Variants in NSUN7 observed in about 807,000 individuals in gnomAD.
The protein encoded by NSUN7 is protein NSUN7.
In NSUN7, 39 loss-of-function variants were observed where a neutral mutation model predicts 58.5. The observed-to-expected ratio is 0.67, with a 90% CI of 0.52 to 0.87. NSUN7 has a LOEUF of 0.87. Ranked by LOEUF, NSUN7 falls within the 40% of genes least tolerant of loss-of-function variation. The probability of loss-of-function intolerance (pLI) is 0.00; values close to 1 mark genes in which losing one functional copy is unlikely to be tolerated. For synonymous variants in NSUN7, 278 were observed against 303.7 expected (o/e 0.92, Z 0.88); for missense variants, 765 against 844.1 (o/e 0.91, Z 1.16).
intron 2 of NSUN7, among the ~76,000 whole-genome samples, chr4:40,755,894 A>G (rs1422796812): frequency 1.3e-5 from 2 of 152,182 alleles, no homozygotes; most frequent in Non-Finnish European, 2.9e-5. Context: ...TAATTCTCCC[A>G]CCAATGATAA....
rs897100824 is a variant in NSUN7, at chr4:40,808,956, A to G, written c.*17A>G. Reference sequence around the variant, plus strand: ...TGGCTTTGATTGTCTTGTGTTTTTTATAGGGGCCAAAGAGCAGTTGATTTT... The same window carrying G: ...TGGCTTTGATTGTCTTGTGTTTTTTGTAGGGGCCAAAGAGCAGTTGATTTT... On this transcript the variant is annotated 3_prime_UTR_variant, in exon 12 of 12. Coordinates refer to ENST00000381782, the MANE Select transcript of NSUN7 (RefSeq NM_024677.6). 5.3e-6 allele frequency: 8 copies of G among 1,498,550 alleles called. No individual in the cohort carries two copies. The African/African-American group carries it at 5.6e-5, about 11-fold the overall frequency. 92.8% of individuals were successfully genotyped at this position (1,498,550 alleles called of 1,614,324 possible).
At chr4:40,759,716 A>T (rs574130234) in intron 2 of NSUN7, among the ~76,000 whole-genome samples, 42 of 152,344 alleles carry the variant, frequency 2.8e-4, no homozygotes, top group African/African-American at 9.9e-4. Flanking sequence ...AACATCCCTC[A>T]TGAACATGAA....
intron 10 of NSUN7, among the ~76,000 whole-genome samples, chr4:40,802,046 T>A (rs1281208835): frequency 1.3e-5 from 2 of 152,180 alleles, no homozygotes; most frequent in Non-Finnish European, 2.9e-5. Context: ...TGATCAGTTT[T>A]CTTATAGTAC....
rs144130209 is a variant in NSUN7 at position 40,756,861 on chromosome 4, C to G, written c.299-3573C>G. 1.3e-3 allele frequency among the ~76,000 whole-genome samples: 201 copies of G among 152,238 alleles called. 1 individual carries two copies. The highest frequency in any genetic ancestry group is 4.3e-3 in the African/African-American group (177 of 41,518). On this transcript the variant is annotated intron_variant, in intron 2 of 11. Transcript: ENST00000381782. Reference sequence around the variant, plus strand: ...CCATGATGTAAAAGCTATACACATTCAGTAGAAACCATACTTTGAGTACCC... The same window carrying G: ...CCATGATGTAAAAGCTATACACATTGAGTAGAAACCATACTTTGAGTACCC...
intron 7 of NSUN7, among the ~76,000 whole-genome samples, chr4:40,782,559 A>C (rs927337548): frequency 5.9e-5 from 9 of 151,636 alleles, no homozygotes; most frequent in Non-Finnish European, 1.2e-4. Flanking sequence ...AAAAAAAAAA[A>C]AAAGAAAAAA....
rs1577594569 is a variant in NSUN7 at position 40,808,977 on chromosome 4, A to G, written c.*38A>G. ...TTTTATAGGGGCCAAAGAGCAGTTGATTTTTTTTCAAAGTCTAGTATTTCT... is the reference window on the plus strand; with the variant it reads ...TTTTATAGGGGCCAAAGAGCAGTTGGTTTTTTTTCAAAGTCTAGTATTTCT... On this transcript the variant is annotated 3_prime_UTR_variant, in exon 12 of 12. Coordinates refer to ENST00000381782, the MANE Select transcript of NSUN7 (RefSeq NM_024677.6). The G allele has an allele frequency of 6.9e-7, 1 of 1,458,524 alleles. No homozygotes were observed. The highest frequency in any genetic ancestry group is 1.4e-5 in the South Asian group (1 of 71,392). The allele number at this position is 1,458,524 out of a possible 1,614,324, so 90.3% of individuals were successfully genotyped here.
intron 7 of NSUN7, among the ~76,000 whole-genome samples, chr4:40,780,668 G>A (rs112271299): frequency 0.02 from 2,967 of 148,602 alleles, 60 homozygotes; most frequent in African/African-American, 0.045. Context: ...ATAGCAAATA[G>A]GATGGTAGAT....
At chr4:40,798,740 G>C (rs1194967952) in intron 9 of NSUN7, 47 bp from the exon 10 acceptor site, 1 of 1,063,492 alleles carries the variant, frequency 9.4e-7, no homozygotes, top group South Asian at 1.4e-5. Flanking sequence ...ATTTGTATAG[G>C]ATTGTTAATA....
At chr4:40,789,883 G>A (rs530883839) in intron 7 of NSUN7, among the ~76,000 whole-genome samples, 10 of 152,214 alleles carry the variant, frequency 6.6e-5, no homozygotes, top group South Asian at 6.2e-4. Context: ...GATAGCCACC[G>A]CAAAAGTAGA....
At chr4:40,799,275 G>A (rs553734834) in intron 10 of NSUN7, among the ~76,000 whole-genome samples, 45 of 151,626 alleles carry the variant, frequency 3.0e-4, no homozygotes, top group Non-Finnish European at 6.3e-4. Context: ...TAGTAGAGAT[G>A]GGGGTTTTAC....
At chr4:40,805,571 A>G (rs1743778370) in intron 10 of NSUN7, among the ~76,000 whole-genome samples, 1 of 152,174 alleles carries the variant, frequency 6.6e-6, no homozygotes. Flanking sequence ...GACCTATCCT[A>G]CATCTGCAAA....
In NSUN7 at chr4:40,750,589, T is replaced by A; in HGVS notation, c.-91-14T>A. 7.3e-7 allele frequency: 1 copy of A among 1,362,904 alleles called. No homozygotes were observed. Among genetic ancestry groups the A allele is most frequent in the Non-Finnish European group, 1.0e-6 (1 of 991,738 alleles). The allele number at this position is 1,362,904 out of a possible 1,614,324, so 84.4% of individuals were successfully genotyped here. A position where few individuals can be genotyped will look rare whatever the true frequency, so the allele number is the denominator to read the frequency against. ...GAAAGAGTGATTTACTGCAATCACCTTCTCTCTTCACAGAGACCATGCTGC... is the reference window on the plus strand; with the variant it reads ...GAAAGAGTGATTTACTGCAATCACCATCTCTCTTCACAGAGACCATGCTGC... On this transcript the variant is annotated splice_polypyrimidine_tract_variant and intron_variant, in intron 1 of 11. Transcript: ENST00000381782.
At chr4:40,785,723 T>A (rs1742785760) in intron 7 of NSUN7, among the ~76,000 whole-genome samples, 1 of 152,222 alleles carries the variant, frequency 6.6e-6, no homozygotes, top group Admixed American at 6.5e-5. Flanking sequence ...ACAGTGGGAA[T>A]TAGAGAATAT....
chr4:40,782,527 C>A (rs1330405624), intron 7 of NSUN7, among the ~76,000 whole-genome samples: 2 of 147,670 alleles, frequency 1.4e-5, no homozygotes, highest in African/African-American at 5.0e-5. Flanking sequence ...GAGATTGCAC[C>A]ATTGCACTCC....
chr4:40,769,715 TA>T (rs1455141734), intron 4 of NSUN7, among the ~76,000 whole-genome samples: 2 of 152,188 alleles, frequency 1.3e-5, no homozygotes, highest in Non-Finnish European at 2.9e-5. Flanking sequence ...TCATTCCCCA[TA>T]ATGCTCCAGA....
chr4:40,764,475 A>G (rs983312309), intron 4 of NSUN7, among the ~76,000 whole-genome samples: 5 of 151,590 alleles, frequency 3.3e-5, no homozygotes, highest in African/African-American at 1.2e-4. Context: ...AATCCAGTCT[A>G]TCATCGTTGG....
chr4:40,790,546 T>C lies in NSUN7; in HGVS notation c.1037-56T>C, dbSNP rs976311512. On this transcript the variant is annotated intron_variant, in intron 7 of 11. Coordinates refer to ENST00000381782, the MANE Select transcript of NSUN7 (RefSeq NM_024677.6). ...ACAATAAATAGATACAATCACATAC[T>C]ACATTAAGATTTTTCATTAATATTT... 2.9e-5 allele frequency: 32 copies of C among 1,113,362 alleles called. No homozygotes were observed. In the African/African-American group the frequency reaches 3.8e-4, roughly 13 times the overall value. The allele number at this position is 1,113,362 out of a possible 1,614,324, so 69.0% of individuals were successfully genotyped here. A position where few individuals can be genotyped will look rare whatever the true frequency, so the allele number is the denominator to read the frequency against.
intron 7 of NSUN7, among the ~76,000 whole-genome samples, chr4:40,787,527 C>G (rs1027263355): frequency 2.0e-5 from 3 of 152,044 alleles, no homozygotes; most frequent in Non-Finnish European, 4.4e-5. Context: ...TAAACTTGAA[C>G]ATTTAACTGC....
rs536486313 is a variant in NSUN7 at position 40,787,670 on chromosome 4, TC to T, written c.1037-2929del. ...CTGTTGAATTAATAATAGAAAATCTTCCCACCCACAAGACAAAAAGTTTTTA... is the reference window on the plus strand; with the variant it reads ...CTGTTGAATTAATAATAGAAAATCTTCCACCCACAAGACAAAAAGTTTTTA... On this transcript the variant is annotated intron_variant, in intron 7 of 11. Coordinates refer to ENST00000381782, the MANE Select transcript of NSUN7 (RefSeq NM_024677.6). Among the ~76,000 whole-genome samples the T allele has an allele frequency of 5.5e-3, 837 of 152,256 alleles. 3 individuals carry two copies. Among genetic ancestry groups the T allele is most frequent in the Non-Finnish European group, 7.5e-3 (509 of 68,002 alleles).
Sources: allele counts gnomAD v4.1 joint callset (sites outside exome capture counted in the v4.1 genomes callset), GRCh38; gene constraint gnomAD v4.1.1; transcripts MANE v1.5; gene names NCBI Gene and HGNC (gene_info 2026-07-23, HGNC 2026-07-21).